The following NHSL1 variants were observed in gnomAD, a reference collection of about 807,000 sequenced individuals.
NHSL1 encodes NHS-like protein 1.
In NHSL1, 48 loss-of-function variants were observed where a neutral mutation model predicts 95.0. The ratio of observed to expected loss-of-function variants is 0.51; its 90% CI spans 0.40 to 0.64. NHSL1 has a LOEUF of 0.64. Ranked by LOEUF, NHSL1 falls within the 30% of genes least tolerant of loss-of-function variation. The pLI is 0.00. For missense variants in NHSL1, 1,971 were observed against 2,077.7 expected, an observed-to-expected ratio of 0.95 and a Z score of 1.00; for synonymous variants, 783 against 833.9, an observed-to-expected ratio of 0.94 and a Z score of 1.05.
chr6:138,609,354 C>T (rs1219481076), intron 1 of NHSL1, among the ~76,000 whole-genome samples: 5 of 152,164 alleles, frequency 3.3e-5, no homozygotes, highest in Admixed American at 3.3e-4. Context: ...CAATGCACCG[C>T]TGGGGCTCAC....
intron 2 of NHSL1, among the ~76,000 whole-genome samples, chr6:138,473,853 A>C (rs1333945043): frequency 6.6e-6 from 1 of 152,148 alleles, no homozygotes; most frequent in Non-Finnish European, 1.5e-5. Context: ...TAAAAAAAAA[A>C]AGTGATGCTA....
chr6:138,571,734 T>A (rs1783846294), exon 1 of NHSL1: 2 of 1,552,116 alleles, frequency 1.3e-6, no homozygotes, highest in Non-Finnish European at 8.7e-7. Flanking sequence ...GCTCTGTATA[T>A]CCAGTTTTCG....
At chr6:138,491,284 T>C (rs1780065765) in intron 2 of NHSL1, among the ~76,000 whole-genome samples, 1 of 152,332 alleles carries the variant, frequency 6.6e-6, no homozygotes, top group Non-Finnish European at 1.5e-5. Flanking sequence ...TTAAACATAC[T>C]GTGAGAAATT....
At chr6:138,679,872 C>T (rs190068221) in intron 1 of NHSL1, among the ~76,000 whole-genome samples, 7 of 152,196 alleles carry the variant, frequency 4.6e-5, no homozygotes, top group Admixed American at 2.0e-4. Flanking sequence ...GAGAAAGATG[C>T]ACCCACTTCA....
chr6:138,457,668 C>T (rs1445711552), intron 3 of NHSL1, among the ~76,000 whole-genome samples: 1 of 152,112 alleles, frequency 6.6e-6, no homozygotes, highest in Non-Finnish European at 1.5e-5. Context: ...ACACCCCTCC[C>T]CTCAACACCT....
chr6:138,610,656 C>T (rs540436381), intron 1 of NHSL1, among the ~76,000 whole-genome samples: 15 of 151,906 alleles, frequency 9.9e-5, no homozygotes, highest in Admixed American at 2.0e-4. Flanking sequence ...CATCCTATCC[C>T]GATAGTTCCA....
At chr6:138,539,477 G>C (rs1022746723) in intron 1 of NHSL1, among the ~76,000 whole-genome samples, 13 of 152,150 alleles carry the variant, frequency 8.5e-5, no homozygotes, top group Admixed American at 7.9e-4. Flanking sequence ...TGCATGTGTA[G>C]ACTACTGATC....
chr6:138,457,907 C>T (rs529373596), intron 3 of NHSL1, among the ~76,000 whole-genome samples: 2 of 151,402 alleles, frequency 1.3e-5, no homozygotes, highest in South Asian at 4.2e-4. Flanking sequence ...ACTCGGGAGG[C>T]TGAGGCAGGA....
chr6:138,522,334 C>T (rs975424046), intron 1 of NHSL1, among the ~76,000 whole-genome samples: 1 of 152,170 alleles, frequency 6.6e-6, no homozygotes, highest in African/African-American at 2.4e-5. Context: ...ATAGCAAAAC[C>T]CGTATCTACA....
chr6:138,463,346 G>A lies in NHSL1; in HGVS notation c.339+9960C>T, dbSNP rs1778118210. 2.0e-5 allele frequency among the ~76,000 whole-genome samples: 3 copies of A among 151,864 alleles called. No individual in the cohort carries two copies. The South Asian group carries it at 6.3e-4, about 32-fold the overall frequency. ...GCAACTAATCCAAAATCTTTACTATGGCTAATTAGGTCCTATGTGATCTGG... is the reference window on the plus strand; with the variant it reads ...GCAACTAATCCAAAATCTTTACTATAGCTAATTAGGTCCTATGTGATCTGG... On this transcript the variant is annotated intron_variant, in intron 3 of 7. Coordinates refer to ENST00000343505, the MANE Select transcript of NHSL1 (RefSeq NM_001144060.2).
intron 1 of NHSL1, among the ~76,000 whole-genome samples, chr6:138,648,727 C>T (rs1785051197): frequency 6.6e-6 from 1 of 152,156 alleles, no homozygotes; most frequent in Non-Finnish European, 1.5e-5. Context: ...CAGTCGTTTT[C>T]TTGGAGCCCT....
At position 138,615,948 on chromosome 6, in the gene NHSL1, G is replaced by A. The variant is rs868066075; in HGVS notation, c.96+76528C>T. Reference sequence around the variant, plus strand: ...CTTATGTCTGTAGTCCCAGCATTTAGGGAGTCCAAGGCAGAAGGATCGCTT... The same window carrying A: ...CTTATGTCTGTAGTCCCAGCATTTAAGGAGTCCAAGGCAGAAGGATCGCTT... On this transcript the variant is annotated intron_variant, in intron 1 of 3. Transcript: ENST00000491526. Among the ~76,000 whole-genome samples, 16 of 152,234 alleles carry A rather than the reference G, an allele frequency of 1.1e-4. 1 individual carries two copies. The highest frequency in any genetic ancestry group is 3.2e-3 in the Middle Eastern group (1 of 316).
chr6:138,689,927 C>T (rs1189571142), intron 1 of NHSL1, among the ~76,000 whole-genome samples: 1 of 152,136 alleles, frequency 6.6e-6, no homozygotes, highest in Non-Finnish European at 1.5e-5. Context: ...GGATTACAGG[C>T]ATGAGCCACT....
At chr6:138,504,285 T>C (rs1780845575), upstream of NHSL1, among the ~76,000 whole-genome samples, 3 of 152,184 alleles carry the variant, frequency 2.0e-5, no homozygotes, top group Admixed American at 2.0e-4. Context: ...ATTCGCTGCC[T>C]TGTGTTAGGT....
intron 1 of NHSL1, chr6:138,512,147 T>C (rs900130688): frequency 2.9e-6 from 1 of 342,100 alleles, no homozygotes; most frequent in East Asian, 8.4e-5. Flanking sequence ...TTTAATTAAG[T>C]ATACATTTAG....
chr6:138,684,185 C>G (rs1426335365), intron 1 of NHSL1, among the ~76,000 whole-genome samples: 1 of 148,638 alleles, frequency 6.7e-6, no homozygotes, highest in Admixed American at 6.7e-5. Context: ...GCACTCCAGC[C>G]TGGGAGACAG....
chr6:138,523,607 C>A (rs1463780687), intron 1 of NHSL1, among the ~76,000 whole-genome samples: 1 of 131,608 alleles, frequency 7.6e-6, no homozygotes, highest in Non-Finnish European at 1.6e-5. Flanking sequence ...CCACACCCAG[C>A]CTAGAGATGT....
intron 1 of NHSL1, among the ~76,000 whole-genome samples, chr6:138,621,374 T>A (rs995439466): frequency 6.6e-6 from 1 of 152,012 alleles, no homozygotes; most frequent in Non-Finnish European, 1.5e-5. Context: ...AACACAAAGA[T>A]CTCCATTATA....
At chr6:138,625,613 A>G (rs1784726484) in intron 1 of NHSL1, among the ~76,000 whole-genome samples, 2 of 150,212 alleles carry the variant, frequency 1.3e-5, no homozygotes, top group Non-Finnish European at 3.0e-5. Context: ...TATGAGCTCT[A>G]AAGTACTTGT....
Sources: gnomAD v4.1 joint callset for allele counts (sites outside exome capture counted in the v4.1 genomes callset) on GRCh38, gnomAD v4.1.1 for gene constraint, MANE v1.5 for transcripts, NCBI Gene and HGNC (gene_info 2026-07-23, HGNC 2026-07-21) for gene names.